The following TNS3 variants were observed in gnomAD, a reference collection of about 807,000 sequenced individuals.
TNS3 encodes the protein tensin 3, also known as tensin-3.
A neutral mutation model predicts 140.9 loss-of-function variants in TNS3; 45 were observed. The observed-to-expected ratio is 0.32, with a 90% CI of 0.25 to 0.41. The LOEUF (loss-of-function observed/expected upper bound fraction) is 0.41, where lower values mean the gene tolerates loss of function less well. TNS3 is among the 10% of genes least tolerant of loss of function. TNS3 has a pLI of 1.00. For synonymous variants in TNS3, 815 were observed against 788.4 expected (o/e 1.03, Z -0.56); for missense variants, 1,716 against 1,906.7 (o/e 0.90, Z 1.86).
chr7:47,505,245 A>T (rs77534913), intron 3 of TNS3, among the ~76,000 whole-genome samples: 3,300 of 152,162 alleles, frequency 0.022, 107 homozygotes, highest in African/African-American at 0.074. Flanking sequence ...CAAGTCTGAA[A>T]TGCTCCCCCA....
At position 47,303,142 on chromosome 7, in the gene TNS3, C is replaced by T. The variant is rs1238957765; in HGVS notation, c.3265G>A (p.Gly1089Ser). 6 of 1,613,944 alleles carry T rather than the reference C, an allele frequency of 3.7e-6. No individual in the cohort carries two copies. Among genetic ancestry groups the T allele is most frequent in the African/African-American group, 1.3e-5 (1 of 75,068 alleles). The change falls in exon 22 of 31, where the codon GGT (glycine) becomes AGT (serine). Residue 1089 changes from glycine to serine, a missense_variant. Transcript: ENST00000311160. ...SHHSPGLQGQ[G>S]VTLPGQPPLP... is the part of the protein sequence containing the mutation. The stretch of plus-strand genomic sequence containing the variant: ...GGTGGCTGCCCGGGCAGGGTCACAC[C>T]CTGGCCCTGCAGGCCTGGACTGTGG...
intron 20 of TNS3, among the ~76,000 whole-genome samples, chr7:47,337,612 G>A (rs1454325580): frequency 2.0e-5 from 3 of 152,072 alleles, no homozygotes; most frequent in Non-Finnish European, 2.9e-5. Flanking sequence ...AAACCATTTG[G>A]TCTGTTCCAG....
chr7:47,369,430 C>T lies in TNS3; in HGVS notation c.1216G>A (p.Glu406Lys). 1 of 1,614,200 alleles carries T rather than the reference C, an allele frequency of 6.2e-7. No individual in the cohort carries two copies. Among genetic ancestry groups the T allele is most frequent in the South Asian group, 1.1e-5 (1 of 91,070 alleles). The change falls in exon 17 of 31, where the codon GAA becomes AAA. Residue 406 changes from glutamate (E) to lysine (K), a missense_variant. Glu to Lys is a moderately conservative substitution (Grantham distance 56). Around this residue, in one of 3 missense-constraint regions of TNS3, gnomAD observed 1,163 missense variants for 1,182.1 expected, o/e 0.98. Transcript: ENST00000311160. ...CTGGTTCCTGGGGCCAGGCGCTCTTCCGTCTTATCCGTCCTGGCAGAGGCT... is the reference window on the plus strand; with the variant it reads ...CTGGTTCCTGGGGCCAGGCGCTCTTTCGTCTTATCCGTCCTGGCAGAGGCT... The part of the protein sequence containing the change: ...STASARTDKT[E>K]ERLAPGTRRG...
intron 7 of TNS3, among the ~76,000 whole-genome samples, chr7:47,436,088 C>T (rs531174371): frequency 2.9e-4 from 44 of 152,210 alleles, no homozygotes; most frequent in Admixed American, 1.6e-3. Context: ...TGATGAAAGT[C>T]GTAGAAATAG....
intron 24 of TNS3, 121 bp downstream of exon 24, chr7:47,296,961 T>C (rs1276459599): frequency 2.4e-6 from 3 of 1,264,270 alleles, no homozygotes; most frequent in Non-Finnish European, 3.3e-6. Context: ...AAAAAATAAA[T>C]ACTAAGAATA....
intron 16 of TNS3, among the ~76,000 whole-genome samples, chr7:47,390,258 C>G (rs1350494113): frequency 6.6e-6 from 1 of 152,166 alleles, no homozygotes; most frequent in African/African-American, 2.4e-5. Flanking sequence ...TCTTAAAACC[C>G]AACAATGTCT....
chr7:47,284,619 G>T (rs1208311959), intron 27 of TNS3, among the ~76,000 whole-genome samples: 1 of 152,194 alleles, frequency 6.6e-6, no homozygotes. Context: ...GCCTTAGCCT[G>T]AAGCTCATTC....
chr7:47,364,787 C>A (rs943821006), intron 17 of TNS3, among the ~76,000 whole-genome samples: 1 of 152,188 alleles, frequency 6.6e-6, no homozygotes, highest in African/African-American at 2.4e-5. Flanking sequence ...TCCAATGCTG[C>A]GGCTAACCCT....
At chr7:47,426,076 T>G (rs888521347) in intron 9 of TNS3, among the ~76,000 whole-genome samples, 4 of 145,126 alleles carry the variant, frequency 2.8e-5, no homozygotes, top group Non-Finnish European at 4.5e-5. Flanking sequence ...AGGTCAGGAG[T>G]TCAAGACCAG....
intron 4 of TNS3, among the ~76,000 whole-genome samples, chr7:47,450,288 A>T (rs1403904140): frequency 6.6e-6 from 1 of 152,248 alleles, no homozygotes; most frequent in African/African-American, 2.4e-5. Context: ...AAAAGCAGTG[A>T]CATCTGCTCC....
intron 15 of TNS3, among the ~76,000 whole-genome samples, chr7:47,399,420 G>A (rs888893041): frequency 6.6e-6 from 1 of 152,050 alleles, no homozygotes; most frequent in African/African-American, 2.4e-5. Flanking sequence ...TCGCACTATT[G>A]GACTTCAAAC....
At chr7:47,505,986 C>T (rs191076621) in intron 3 of TNS3, among the ~76,000 whole-genome samples, 10 of 152,280 alleles carry the variant, frequency 6.6e-5, no homozygotes, top group Non-Finnish European at 1.5e-4. Context: ...GCCTTCCACT[C>T]GGAGCCGAAG....
rs1377054231 is a variant in TNS3, at chr7:47,437,289, A to C, written c.175T>G (p.Tyr59Asp). The change falls in exon 7 of 31, where the codon TAT (tyrosine) becomes GAT (aspartate). Residue 59 changes from tyrosine (Y) to aspartate (D), a missense_variant. This residue lies in a region of TNS3 where 337 missense variants were observed against 428.9 expected (regional missense o/e 0.79). Coordinates refer to ENST00000311160, the MANE Select transcript of TNS3 (RefSeq NM_022748.12). ...TTTGGGTTAAGCTTCGTAAGGTCAT[A>C]TCTCTTTTCTGAAAGGTTTAATACC... ...YLVLNLSEKR[Y>D]DLTKLNPKIM... 5 of 1,552,320 alleles carry C rather than the reference A, an allele frequency of 3.2e-6. No individual in the cohort carries two copies. The African/African-American group carries it at 5.6e-5, about 17-fold the overall frequency.
chr7:47,575,034 A>G (rs557270733), intron 1 of TNS3, among the ~76,000 whole-genome samples: 2 of 152,214 alleles, frequency 1.3e-5, no homozygotes, highest in Non-Finnish European at 2.9e-5. Flanking sequence ...ATGTTTTACC[A>G]AAGCTTAAAA....
Position 47,303,359 on chromosome 7 carries a change from G to T in TNS3, c.3048C>A (p.Ser1016Arg). ...EPPDSLAPPS[S>R]QAFLGFGTAP... ...CGGTGCCGAAGCCCAGGAAGGCCTG[G>T]CTGCTGGGAGGCGCCAGGGAGTCCG... is the stretch of plus-strand genomic sequence containing the variant. The change falls in exon 22 of 31, where the codon AGC becomes AGA. Residue 1016 changes from serine to arginine, a missense_variant. Transcript: ENST00000311160. 6.2e-7 allele frequency: 1 copy of T among 1,613,638 alleles called. No individual in the cohort carries two copies. Among genetic ancestry groups the T allele is most frequent in the Non-Finnish European group, 8.5e-7 (1 of 1,179,908 alleles).
At chr7:47,435,251 G>T in intron 8 of TNS3, 31 bp downstream of exon 8, 1 of 1,611,950 alleles carries the variant, frequency 6.2e-7, no homozygotes, top group South Asian at 1.1e-5. Flanking sequence ...AGCCCAGCCA[G>T]ACCCCCAAAT....
intron 3 of TNS3, among the ~76,000 whole-genome samples, chr7:47,493,027 T>C (rs1418261381): frequency 2.0e-5 from 3 of 152,196 alleles, no homozygotes; most frequent in Non-Finnish European, 4.4e-5. Flanking sequence ...ATGAAATCAA[T>C]AGCAGGCTCT....
chr7:47,356,711 T>A (rs1428210660), intron 17 of TNS3, among the ~76,000 whole-genome samples: 2 of 152,210 alleles, frequency 1.3e-5, no homozygotes, highest in Admixed American at 6.5e-5. Context: ...TCCCTATGTA[T>A]AGATATAACA....
chr7:47,447,499 G>C (rs770896621), intron 4 of TNS3, among the ~76,000 whole-genome samples: 24 of 152,094 alleles, frequency 1.6e-4, no homozygotes, highest in Non-Finnish European at 2.8e-4. Context: ...CTCAGGAAAG[G>C]TCCTCCACTC....
Sources: gnomAD v4.1 joint callset for allele counts (sites outside exome capture counted in the v4.1 genomes callset) on GRCh38, gnomAD v4.1.1 for gene constraint, gnomAD v4.1.1 regional missense constraint, MANE v1.5 for transcripts, NCBI Gene and HGNC (gene_info 2026-07-23, HGNC 2026-07-21) for gene names.